The following DNAH9 variants were observed in gnomAD, a reference collection of about 807,000 sequenced individuals.
DNAH9 encodes dynein axonemal heavy chain 9.
A neutral mutation model predicts 471.6 loss-of-function variants in DNAH9; 345 were observed. The observed-to-expected ratio is 0.73, with a 90% CI of 0.67 to 0.80. The LOEUF (loss-of-function observed/expected upper bound fraction) is 0.80, where lower values mean the gene tolerates loss of function less well. DNAH9 is among the 30% of genes least tolerant of loss of function. DNAH9 has a pLI of 0.00. For synonymous variants in DNAH9, 2,093 were observed against 2,123.6 expected (o/e 0.99, Z 0.40); for missense variants, 5,407 against 5,609.2 (o/e 0.96, Z 1.15).
At chr17:11,828,557 C>A (rs1970583000) in intron 48 of DNAH9, among the ~76,000 whole-genome samples, 1 of 151,762 alleles carries the variant, frequency 6.6e-6, no homozygotes, top group South Asian at 2.1e-4. Context: ...GAATAACATT[C>A]TGTTTCCCAG....
At position 11,731,459 on chromosome 17, in the gene DNAH9, T is replaced by C. The variant is rs532586618; in HGVS notation, c.5814+3537T>C. Among the ~76,000 whole-genome samples, 3 of 151,900 alleles carry C rather than the reference T, an allele frequency of 2.0e-5. No individual in the cohort carries two copies. The South Asian group carries it at 6.3e-4, about 32-fold the overall frequency. On this transcript the variant is annotated intron_variant, in intron 28 of 68. Transcript: ENST00000262442. ...CATGTGCACAACGTGTGCAGGTTTG[T>C]TACATATGTATACATGTGCCATGTT...
chr17:11,937,271 T>C lies in DNAH9; in HGVS notation c.12490-81T>C. The C allele has an allele frequency of 6.6e-7, 1 of 1,508,872 alleles. No individual in the cohort carries two copies. Among genetic ancestry groups the C allele is most frequent in the East Asian group, 2.3e-5 (1 of 43,864 alleles). The allele number at this position is 1,508,872 out of a possible 1,614,324, so 93.5% of individuals were successfully genotyped here. A position where few individuals can be genotyped will look rare whatever the true frequency, so the allele number is the denominator to read the frequency against. ...GGAGGAGGGATACTAGCCCATGGAC[T>C]CCCTGCAGAGGACAAGCCGGTGTGG... On this transcript the variant is annotated intron_variant, in intron 65 of 68. Coordinates refer to ENST00000262442, the MANE Select transcript of DNAH9 (RefSeq NM_001372.4). This position sits in a 1 kb window ranked among gnomAD's most constrained non-coding sequence, Gnocchi z 4.1.
chr17:11,838,255 C>T (rs555730271), intron 49 of DNAH9, among the ~76,000 whole-genome samples: 6 of 152,212 alleles, frequency 3.9e-5, no homozygotes, highest in African/African-American at 1.4e-4. Flanking sequence ...GGAGTATAAT[C>T]TAGAAGTAAT....
chr17:11,730,358 G>A (rs1292071376), intron 28 of DNAH9, among the ~76,000 whole-genome samples: 2 of 152,166 alleles, frequency 1.3e-5, no homozygotes, highest in African/African-American at 4.8e-5. Context: ...TGGAGAGCTG[G>A]TTGTTAAAAA....
At chr17:11,929,074 G>A (rs1048696162) in intron 62 of DNAH9, among the ~76,000 whole-genome samples, 5 of 127,536 alleles carry the variant, frequency 3.9e-5, no homozygotes, top group Non-Finnish European at 7.8e-5. Context: ...TCACTCTGTC[G>A]CCCAAGCTGG....
At chr17:11,790,240 T>C (rs1969016204) in intron 41 of DNAH9, among the ~76,000 whole-genome samples, 1 of 152,084 alleles carries the variant, frequency 6.6e-6, no homozygotes, top group Non-Finnish European at 1.5e-5. Flanking sequence ...ATTTGTCTGC[T>C]TGTTCCTTCA....
chr17:11,805,002 T>C (rs1597670492), intron 43 of DNAH9, among the ~76,000 whole-genome samples: 1 of 151,324 alleles, frequency 6.6e-6, no homozygotes, highest in African/African-American at 2.4e-5. Context: ...TACAGTGAGC[T>C]GAGATCCCAC....
rs1206188858 is a variant in DNAH9 at position 11,929,962 on chromosome 17, G to A, written c.11974G>A (p.Ala3992Thr). ...CCCAGAGTTCAGGGTCTTCATGAGT[G>A]CAGAGCCAGCACCCTCCCCTGAGGG... ...SHPEFRVFMS[A>T]EPAPSPEGHI... The change falls in exon 63 of 69, where the codon GCA becomes ACA. Residue 3992 changes from alanine (A) to threonine (T), a missense_variant. Transcript: ENST00000262442. 1.9e-6 allele frequency: 3 copies of A among 1,614,030 alleles called. No individual in the cohort carries two copies. Among genetic ancestry groups the A allele is most frequent in the South Asian group, 2.2e-5 (2 of 91,070 alleles).
intron 22 of DNAH9, among the ~76,000 whole-genome samples, chr17:11,698,351 TTATA>T (rs1354244390): frequency 7.9e-6 from 1 of 126,842 alleles, no homozygotes; most frequent in Non-Finnish European, 1.6e-5. Context: ...TACATACTAA[TTATA>T]TATTATATAT....
intron 27 of DNAH9, among the ~76,000 whole-genome samples, chr17:11,727,196 G>A (rs999624632): frequency 2.6e-5 from 4 of 151,720 alleles, no homozygotes; most frequent in Admixed American, 1.3e-4. Context: ...TGGTTGCCCC[G>A]TGACTTACCA....
At position 11,636,772 on chromosome 17, in the gene DNAH9, G is replaced by A; in HGVS notation, c.1774G>A (p.Glu592Lys). The change falls in exon 9 of 69, where the codon GAA (glutamate) becomes AAA (lysine). Residue 592 changes from glutamate (E) to lysine (K), a missense_variant. Coordinates refer to ENST00000262442, the MANE Select transcript of DNAH9 (RefSeq NM_001372.4). ...RMIYSQHVQE[E>K]AELGFSPVHK... Reference sequence around the variant, plus strand: ...GATCTACAGTCAGCACGTCCAGGAGGAAGCAGAACTTGGTAGGCTTGTTAA... The same window carrying A: ...GATCTACAGTCAGCACGTCCAGGAGAAAGCAGAACTTGGTAGGCTTGTTAA... The A allele has an allele frequency of 6.2e-7, 1 of 1,614,066 alleles. No homozygotes were observed. Among genetic ancestry groups the A allele is most frequent in the African/African-American group, 1.3e-5 (1 of 75,050 alleles).
intron 45 of DNAH9, among the ~76,000 whole-genome samples, chr17:11,821,006 G>A (rs1049529367): frequency 6.6e-6 from 1 of 152,116 alleles, no homozygotes; most frequent in Non-Finnish European, 1.5e-5. Context: ...ATCTGGCCAG[G>A]CGCAGTGGCT....
chr17:11,657,380 G>A (rs1358972931), intron 14 of DNAH9, among the ~76,000 whole-genome samples: 1 of 152,028 alleles, frequency 6.6e-6, no homozygotes, highest in African/African-American at 2.4e-5. Flanking sequence ...TCTATAAAGT[G>A]TCTAAGTGTT....
chr17:11,868,294 T>G (rs1317669043), intron 50 of DNAH9, among the ~76,000 whole-genome samples: 1 of 152,158 alleles, frequency 6.6e-6, no homozygotes, highest in Non-Finnish European at 1.5e-5. Flanking sequence ...TGGCCCTACA[T>G]TGATTTCTCT....
At chr17:11,625,082 A>G (rs1305865636) in intron 6 of DNAH9, among the ~76,000 whole-genome samples, 1 of 151,488 alleles carries the variant, frequency 6.6e-6, no homozygotes, top group African/African-American at 2.4e-5. Flanking sequence ...CAGTGCACAC[A>G]CACACACACA....
chr17:11,718,908 A>G (rs554867561), intron 26 of DNAH9, among the ~76,000 whole-genome samples: 1 of 152,272 alleles, frequency 6.6e-6, no homozygotes, highest in South Asian at 2.1e-4. Flanking sequence ...ATTAGTGGCC[A>G]TTAGCCAGGC....
intron 43 of DNAH9, 93 bp from the exon 44 acceptor site, chr17:11,807,639 A>G: frequency 7.2e-7 from 1 of 1,386,206 alleles, no homozygotes; most frequent in South Asian, 1.4e-5. Flanking sequence ...CGTGCCTCCA[A>G]GGAAGGCCCC....
chr17:11,874,816 A>G, intron 52 of DNAH9, 133 bp from the exon 53 acceptor site: 1 of 685,236 alleles, frequency 1.5e-6, no homozygotes, highest in Middle Eastern at 4.2e-4. Context: ...TCACACAGCC[A>G]GAAAGGCATT....
intron 49 of DNAH9, among the ~76,000 whole-genome samples, chr17:11,835,447 A>T (rs544094977): frequency 2.6e-4 from 39 of 152,348 alleles, no homozygotes; most frequent in Admixed American, 2.0e-3. Flanking sequence ...GCAACCACAT[A>T]ACTGTATGTC....
Sources: gnomAD v4.1 joint callset for allele counts (sites outside exome capture counted in the v4.1 genomes callset) on GRCh38, gnomAD v4.1.1 for gene constraint, Gnocchi (gnomAD v3.1) non-coding constraint, MANE v1.5 for transcripts, NCBI Gene and HGNC (gene_info 2026-07-23, HGNC 2026-07-21) for gene names.